The following NMNAT1 variants were observed in gnomAD, a reference collection of about 807,000 sequenced individuals.
The protein encoded by NMNAT1 is nicotinamide/nicotinic acid mononucleotide adenylyltransferase 1.
In NMNAT1, 11 loss-of-function variants were observed where a neutral mutation model predicts 16.7. The ratio of observed to expected loss-of-function variants is 0.66; its 90% CI spans 0.41 to 1.09. The LOEUF is 1.09. NMNAT1 is among the 50% of genes least tolerant of loss of function. The pLI, the probability that NMNAT1 is intolerant of heterozygous loss-of-function variation, is 0.00. For missense variants in NMNAT1, 280 were observed against 332.3 expected, an observed-to-expected ratio of 0.84 and a Z score of 1.22; for synonymous variants, 110 against 119.8, an observed-to-expected ratio of 0.92 and a Z score of 0.53.
At chr1:9,945,477 G>T (rs1304878215) in intron 1 of NMNAT1, among the ~76,000 whole-genome samples, 2 of 152,086 alleles carry the variant, frequency 1.3e-5, no homozygotes, top group Non-Finnish European at 2.9e-5. Flanking sequence ...GAGGTGGGCG[G>T]ATCACGAGGT....
the NMNAT1 span, among the ~76,000 whole-genome samples, chr1:9,994,737 G>A: frequency 7.4e-5 from 11 of 148,916 alleles, no homozygotes; most frequent in Admixed American, 2.0e-4. Flanking sequence ...TCAGCCTCCC[G>A]AGTAGCTGGG....
intron 1 of NMNAT1, among the ~76,000 whole-genome samples, chr1:9,965,948 A>G (rs889716487): frequency 2.0e-5 from 3 of 151,814 alleles, no homozygotes; most frequent in African/African-American, 4.8e-5. Context: ...TGATCATGCC[A>G]TTGGACTCCA....
intron 1 of NMNAT1, among the ~76,000 whole-genome samples, chr1:9,945,422 T>G (rs771525203): frequency 2.6e-5 from 4 of 152,100 alleles, no homozygotes; most frequent in Non-Finnish European, 5.9e-5. Context: ...TTATTTGAGC[T>G]GGGTGTAGTG....
In NMNAT1 at chr1:9,975,657, A is replaced by G. The variant is rs545930813; in HGVS notation, c.181A>G (p.Ile61Val). ...VGDAYKKKGL[I>V]PAYHRVIMAE... ...TGATGCCTACAAGAAGAAAGGACTC[A>G]TTCCTGCCTATCACCGGGTCATCAT... is the stretch of plus-strand genomic sequence containing the variant. The change falls in exon 3 of 5, where the codon ATT becomes GTT. Residue 61 changes from isoleucine to valine, a missense_variant. Transcript: ENST00000377205. 1.4e-5 allele frequency: 23 copies of G among 1,614,100 alleles called. No homozygotes were observed. In the South Asian group the frequency reaches 2.2e-4, roughly 15 times the overall value.
chr1:9,992,108 G>A, the NMNAT1 span, among the ~76,000 whole-genome samples: 10 of 141,714 alleles, frequency 7.1e-5, no homozygotes, highest in Non-Finnish European at 1.4e-4. Context: ...TTTTTGAGAC[G>A]GTCTCAGTCT....
At chr1:9,987,022 C>G (rs964674647), downstream of NMNAT1, among the ~76,000 whole-genome samples, 2 of 151,092 alleles carry the variant, frequency 1.3e-5, no homozygotes, top group Non-Finnish European at 2.9e-5. Context: ...CATGGTGAAA[C>G]CCTGTCTCTA....
At chr1:9,954,929 CAAAA>C (rs70998330) in intron 1 of NMNAT1, among the ~76,000 whole-genome samples, 1 of 138,364 alleles carries the variant, frequency 7.2e-6, no homozygotes, top group Non-Finnish European at 1.5e-5. Context: ...GACTCCATCT[CAAAA>C]AAAAAAAAAA....
chr1:9,986,480 C>T (rs1300014723), downstream of NMNAT1, among the ~76,000 whole-genome samples: 1 of 152,156 alleles, frequency 6.6e-6, no homozygotes, highest in Non-Finnish European at 1.5e-5. Flanking sequence ...ATCTGTAATC[C>T]CAGCACTTTG....
chr1:9,949,409 G>GTTT (rs1641054729), intron 1 of NMNAT1, among the ~76,000 whole-genome samples: 1 of 76,296 alleles, frequency 1.3e-5, no homozygotes, highest in Admixed American at 1.7e-4. Flanking sequence ...ATCTTCCACT[G>GTTT]CTTTTTTTTT....
At chr1:9,980,461 A>G (rs1641915421) in intron 3 of NMNAT1, among the ~76,000 whole-genome samples, 2 of 9,378 alleles carry the variant, frequency 2.1e-4, no homozygotes, top group Admixed American at 5.8e-3. Flanking sequence ...ACTACTAAAA[A>G]TACAAAAAAA....
chr1:9,971,654 G>T (rs1641690403), intron 1 of NMNAT1, among the ~76,000 whole-genome samples: 2 of 151,962 alleles, frequency 1.3e-5, no homozygotes, highest in African/African-American at 2.4e-5. Context: ...ATGAGAATGT[G>T]GAAGGACATC....
At chr1:9,976,661 G>A (rs556278596) in intron 3 of NMNAT1, among the ~76,000 whole-genome samples, 1 of 151,416 alleles carries the variant, frequency 6.6e-6, no homozygotes, top group African/African-American at 2.4e-5. Context: ...GTCTCGCTCT[G>A]TCACCCAGGC....
chr1:9,982,795 T>C lies in NMNAT1; in HGVS notation c.*94T>C. ...GGGAAAGAAGTTGTGATCTGTTGCC[T>C]AAACTAAAGCTTAAAAGTTTAGTAA... On this transcript the variant is annotated 3_prime_UTR_variant, in exon 5 of 5. Coordinates refer to ENST00000377205, the MANE Select transcript of NMNAT1 (RefSeq NM_022787.4). 7.6e-7 allele frequency: 1 copy of C among 1,313,968 alleles called. No individual in the cohort carries two copies. Among genetic ancestry groups the C allele is most frequent in the South Asian group, 1.5e-5 (1 of 66,846 alleles). 81.4% of individuals were successfully genotyped at this position (1,313,968 alleles called of 1,614,324 possible).
intron 1 of NMNAT1, among the ~76,000 whole-genome samples, chr1:9,950,182 C>G (rs957610985): frequency 1.3e-5 from 2 of 152,126 alleles, no homozygotes; most frequent in Non-Finnish European, 2.9e-5. Flanking sequence ...CCTCTGCCTC[C>G]CGGGTTCAAG....
At chr1:9,990,848 A>G in the NMNAT1 span, among the ~76,000 whole-genome samples, 3 of 152,216 alleles carry the variant, frequency 2.0e-5, no homozygotes, top group South Asian at 6.2e-4. Flanking sequence ...ACAGAAGGAA[A>G]GAAAGGGCTC....
chr1:9,978,749 C>T (rs1483261192), intron 3 of NMNAT1, among the ~76,000 whole-genome samples: 1 of 152,218 alleles, frequency 6.6e-6, no homozygotes, highest in African/African-American at 2.4e-5. Context: ...TAAAGGCCCA[C>T]AGTTGGATCC....
At chr1:9,990,126 G>T (rs1187459847), downstream of NMNAT1, among the ~76,000 whole-genome samples, 2 of 152,218 alleles carry the variant, frequency 1.3e-5, no homozygotes, top group Non-Finnish European at 2.9e-5. Flanking sequence ...GCTTCAAAAT[G>T]TATCAGAATT....
chr1:9,948,228 T>C (rs954439183), intron 1 of NMNAT1, among the ~76,000 whole-genome samples: 2 of 152,134 alleles, frequency 1.3e-5, no homozygotes, highest in Non-Finnish European at 2.9e-5. Context: ...CTTTGGGAGA[T>C]TTTATACTGA....
chr1:9,994,442 A>G, the NMNAT1 span, among the ~76,000 whole-genome samples: 1 of 146,118 alleles, frequency 6.8e-6, no homozygotes, highest in Non-Finnish European at 1.5e-5. Flanking sequence ...TTATTTTATT[A>G]TTTTTGAGAC....
Sources: gnomAD v4.1 joint callset for allele counts (sites outside exome capture counted in the v4.1 genomes callset) on GRCh38, gnomAD v4.1.1 for gene constraint, MANE v1.5 for transcripts, NCBI Gene and HGNC (gene_info 2026-07-23, HGNC 2026-07-21) for gene names.